OR9Q1: variants seen among roughly 807,000 people sequenced by gnomAD.
OR9Q1 encodes the protein olfactory receptor family 9 subfamily Q member 1.
For missense variants in OR9Q1, 374 were observed against 378.8 expected, an observed-to-expected ratio of 0.99 and a Z score of 0.11; for synonymous variants, 153 against 148.6, an observed-to-expected ratio of 1.03 and a Z score of -0.22.
At chr11:58,103,678 C>A (rs192619657) in intron 2 of OR9Q1, among the ~76,000 whole-genome samples, 1 of 152,210 alleles carries the variant, frequency 6.6e-6, no homozygotes, top group South Asian at 2.1e-4. Flanking sequence ...TAATGTTTCT[C>A]ATGCTGCTAC....
chr11:58,120,565 A>G (rs922638051), intron 2 of OR9Q1, among the ~76,000 whole-genome samples: 6 of 151,926 alleles, frequency 3.9e-5, no homozygotes, highest in African/African-American at 1.4e-4. Context: ...CCCGAGCAGT[A>G]TACACTGAAC....
chr11:58,047,234 T>C (rs2119956056), intron 1 of OR9Q1: 1 of 152,360 alleles, frequency 6.6e-6, no homozygotes, highest in South Asian at 2.1e-4. Flanking sequence ...GTATCCTAAG[T>C]GAGTTCAATA....
intron 2 of OR9Q1, among the ~76,000 whole-genome samples, chr11:58,063,750 C>G (rs930835028): frequency 6.6e-6 from 1 of 152,076 alleles, no homozygotes; most frequent in Non-Finnish European, 1.5e-5. Flanking sequence ...AGTCAGGTAC[C>G]GTTCAGGCAT....
intron 1 of OR9Q1, chr11:58,031,630 C>T: frequency 1.2e-6 from 2 of 1,608,652 alleles, no homozygotes; most frequent in Non-Finnish European, 1.7e-6. Flanking sequence ...GCAACATCGT[C>T]TGGACACTGC....
intron 2 of OR9Q1, among the ~76,000 whole-genome samples, chr11:58,133,416 C>T (rs535265293): frequency 3.9e-5 from 6 of 152,304 alleles, no homozygotes; most frequent in African/African-American, 1.4e-4. Context: ...AGACAGGCTG[C>T]TGCTGGATCT....
intron 2 of OR9Q1, among the ~76,000 whole-genome samples, chr11:58,167,593 A>G (rs1396369937): frequency 1.3e-5 from 2 of 152,200 alleles, no homozygotes; most frequent in African/African-American, 2.4e-5. Flanking sequence ...AACTGACTAT[A>G]AAGTGACTAG....
chr11:58,026,070 C>T (rs1475137818), intron 1 of OR9Q1, among the ~76,000 whole-genome samples: 5 of 152,198 alleles, frequency 3.3e-5, no homozygotes, highest in African/African-American at 1.2e-4. Context: ...TTGCAATTAG[C>T]TCATCACATC....
rs1265481376 is a variant in OR9Q1 at position 58,037,714 on chromosome 11, T to A, written c.-93+13610T>A. On this transcript the variant is annotated intron_variant, in intron 1 of 2. Coordinates refer to ENST00000335397, the MANE Select transcript of OR9Q1 (RefSeq NM_001005212.4). ...ATTTTTTTTTTTTTTTTTTTTTTTT[T>A]TTTTTTTTTTTTTTTTTTTTTTGAG... is the stretch of plus-strand genomic sequence containing the variant. 1.5e-3 allele frequency among the ~76,000 whole-genome samples: 39 copies of A among 26,468 alleles called. 1 individual carries two copies. Among genetic ancestry groups the A allele is most frequent in the African/African-American group, 5.4e-3 (35 of 6,518 alleles). The allele number at this position is 26,468 out of a possible 152,430, so 17.4% of individuals were successfully genotyped here. A position where few individuals can be genotyped will look rare whatever the true frequency, so the allele number is the denominator to read the frequency against.
intron 2 of OR9Q1, among the ~76,000 whole-genome samples, chr11:58,060,836 T>C (rs1853374112): frequency 1.3e-5 from 2 of 151,836 alleles, no homozygotes; most frequent in South Asian, 4.2e-4. Context: ...CAAAACACAG[T>C]GTGGCCTGTT....
At chr11:58,081,552 A>G (rs1853587296) in intron 2 of OR9Q1, among the ~76,000 whole-genome samples, 1 of 152,046 alleles carries the variant, frequency 6.6e-6, no homozygotes, top group African/African-American at 2.4e-5. Flanking sequence ...TTTGATTTGC[A>G]TTTCTCTAAT....
intron 1 of OR9Q1, among the ~76,000 whole-genome samples, chr11:58,048,536 C>A (rs371775232): frequency 6.0e-5 from 9 of 151,024 alleles, no homozygotes; most frequent in African/African-American, 1.9e-4. Flanking sequence ...GTGGCACATG[C>A]TGTAGCCCCA....
chr11:58,155,246 G>A (rs984418763), intron 2 of OR9Q1, among the ~76,000 whole-genome samples: 1 of 152,026 alleles, frequency 6.6e-6, no homozygotes, highest in African/African-American at 2.4e-5. Flanking sequence ...TTCAACTTAC[G>A]GGATGAGGCA....
intron 2 of OR9Q1, among the ~76,000 whole-genome samples, chr11:58,096,270 GA>G (rs1853730530): frequency 6.6e-6 from 1 of 151,110 alleles, no homozygotes; most frequent in Non-Finnish European, 1.5e-5. Context: ...ATGTATAGCT[GA>G]ATGAATTTAA....
chr11:58,146,674 C>T (rs1854302160), intron 2 of OR9Q1, among the ~76,000 whole-genome samples: 1 of 152,148 alleles, frequency 6.6e-6, no homozygotes. Context: ...GGGTTCCAGC[C>T]TAATTTGGTG....
At chr11:58,024,997 G>T (rs904997878) in intron 1 of OR9Q1, among the ~76,000 whole-genome samples, 1 of 152,162 alleles carries the variant, frequency 6.6e-6, no homozygotes, top group African/African-American at 2.4e-5. Flanking sequence ...GTAGTTCTTT[G>T]ATCTTGCCCA....
At chr11:58,171,576 C>A (rs138721945) in intron 2 of OR9Q1, 2 of 152,186 alleles carry the variant, frequency 1.3e-5, no homozygotes, top group African/African-American at 4.8e-5. Flanking sequence ...ATGTGTGCAG[C>A]AGTAGGCAAG....
chr11:58,179,765 TG>T lies in OR9Q1; in HGVS notation c.323del (p.Gly108ValfsTer29). ...CTCAGTTCTTTCTGTTCACCTTCTTTGGTTCCATCGACTGCTACCTCTTGGC... is the reference window on the plus strand; with the variant it reads ...CTCAGTTCTTTCTGTTCACCTTCTTTGTTCCATCGACTGCTACCTCTTGGC... ...AAQFFLFTFF[G>X]SIDCYLLALM... is the part of the protein sequence containing the mutation. On this transcript the variant is annotated frameshift_variant, in exon 3 of 3. Coordinates refer to ENST00000335397, the MANE Select transcript of OR9Q1 (RefSeq NM_001005212.4). LOFTEE classifies it low-confidence loss of function (END_TRUNC). 1 of 1,614,222 alleles carries T rather than the reference TG, an allele frequency of 6.2e-7. No homozygotes were observed. The highest frequency in any genetic ancestry group is 8.5e-7 in the Non-Finnish European group (1 of 1,180,036).
At chr11:58,030,934 T>C (rs1473079530) in intron 1 of OR9Q1, 3 of 1,502,012 alleles carry the variant, frequency 2.0e-6, no homozygotes, top group Non-Finnish European at 2.8e-6. Context: ...ATGAGTTTGC[T>C]GAGCTCTCAC....
chr11:58,046,185 A>G (rs778668683), intron 1 of OR9Q1, among the ~76,000 whole-genome samples: 6 of 151,958 alleles, frequency 3.9e-5, no homozygotes, highest in Non-Finnish European at 7.4e-5. Context: ...AGATCTCAAC[A>G]GGTGGGGTCA....
Sources: allele counts gnomAD v4.1 joint callset (sites outside exome capture counted in the v4.1 genomes callset), GRCh38; gene constraint gnomAD v4.1.1; transcripts MANE v1.5; gene names NCBI Gene and HGNC (gene_info 2026-07-23, HGNC 2026-07-21).